MTCL1: variants seen among roughly 807,000 people sequenced by gnomAD.
The protein encoded by MTCL1 is microtubule cross-linking factor 1.
Under a neutral mutation model 141.4 loss-of-function variants are expected in MTCL1, and 79 were observed. That is an observed-to-expected ratio of 0.56 (90% CI 0.47 to 0.67). The LOEUF is 0.67. Ranked by LOEUF, MTCL1 falls within the 30% of genes least tolerant of loss-of-function variation. The pLI is 0.00. For synonymous variants in MTCL1, 914 were observed against 875.8 expected, an observed-to-expected ratio of 1.04 and a Z score of -0.77; for missense variants, 2,177 against 2,113.9, an observed-to-expected ratio of 1.03 and a Z score of -0.59.
intron 1 of MTCL1, among the ~76,000 whole-genome samples, chr18:8,710,457 CTTTT>C (rs59830434): frequency 2.5e-5 from 3 of 121,818 alleles, no homozygotes; most frequent in African/African-American, 6.5e-5. Context: ...CAGGCACTTT[CTTTT>C]TTTTTTTTTT....
rs1252164186 is a variant in MTCL1 at position 8,786,114 on chromosome 18, C to G, written c.1887+23C>G. On this transcript the variant is annotated intron_variant, in intron 7 of 16. Coordinates refer to ENST00000359865, the Ensembl canonical transcript of MTCL1. Reference sequence around the variant, plus strand: ...GAGGTCAGCGTGGGCAAGCAATCCCCCCCCCCCGCCCTCCCCCTCCTTTTT... The same window carrying G: ...GAGGTCAGCGTGGGCAAGCAATCCCGCCCCCCCGCCCTCCCCCTCCTTTTT... 7 of 1,387,384 alleles carry G rather than the reference C, an allele frequency of 5.0e-6. No individual in the cohort carries two copies. The South Asian group carries it at 5.1e-5, about 10-fold the overall frequency. The allele number at this position is 1,387,384 out of a possible 1,614,324, so 85.9% of individuals were successfully genotyped here.
intron 1 of MTCL1, among the ~76,000 whole-genome samples, chr18:8,709,216 A>G (rs935202813): frequency 2.0e-5 from 3 of 151,026 alleles, no homozygotes; most frequent in Non-Finnish European, 3.0e-5. Context: ...TTTTGAAGGG[A>G]TGGTCTTGCT....
intron 4 of MTCL1, among the ~76,000 whole-genome samples, chr18:8,775,286 T>C (rs2096502063): frequency 6.6e-6 from 1 of 151,672 alleles, no homozygotes; most frequent in African/African-American, 2.4e-5. Context: ...AAAAGAAACT[T>C]CTGGCCGGGC....
intron 12 of MTCL1, among the ~76,000 whole-genome samples, chr18:8,817,407 T>A (rs923057601): frequency 6.6e-6 from 1 of 152,130 alleles, no homozygotes; most frequent in African/African-American, 2.4e-5. Flanking sequence ...AATTTGACTG[T>A]GAACTGCCTC....
chr18:8,828,801 T>G lies in MTCL1; in HGVS notation c.4723-107T>G. ...GGCTACCCCTGAGCGAGAGGGATGG[T>G]CCTCTACCTCCGGGCTTGCTGACTT... On this transcript the variant is annotated intron_variant, in intron 15 of 16. Coordinates refer to ENST00000359865, the Ensembl canonical transcript of MTCL1. This position sits in a 1 kb window ranked among gnomAD's most constrained non-coding sequence, Gnocchi z 5.2. 1 of 1,561,932 alleles carries G rather than the reference T, an allele frequency of 6.4e-7. No individual in the cohort carries two copies. The highest frequency in any genetic ancestry group is 8.7e-7 in the Non-Finnish European group (1 of 1,153,838).
intron 10 of MTCL1, among the ~76,000 whole-genome samples, chr18:8,801,352 G>A (rs1024849547): frequency 6.6e-6 from 1 of 150,904 alleles, no homozygotes; most frequent in South Asian, 2.1e-4. Flanking sequence ...CTTGAGCCTA[G>A]ATGGTATTTA....
rs1002530066 is a variant in MTCL1 at position 8,779,043 on chromosome 18, G to T, written c.417+1151G>T. Among the ~76,000 whole-genome samples, 3 of 152,226 alleles carry T rather than the reference G, an allele frequency of 2.0e-5. No homozygotes were observed. The highest frequency in any genetic ancestry group is 7.2e-5 in the African/African-American group (3 of 41,460). ...GGAGTTTCTGTTCAGCAGAATGGTGGAATGGAGCGCCCTGGGAACTGCAGG... is the reference window on the plus strand; with the variant it reads ...GGAGTTTCTGTTCAGCAGAATGGTGTAATGGAGCGCCCTGGGAACTGCAGG... On this transcript the variant is annotated intron_variant, in intron 5 of 16. Transcript: ENST00000359865. The surrounding 1 kb of genome is among the most constrained non-coding windows in gnomAD (Gnocchi z 4.1).
intron 4 of MTCL1, among the ~76,000 whole-genome samples, chr18:8,758,766 G>A (rs1341044279): frequency 1.3e-5 from 2 of 152,166 alleles, no homozygotes; most frequent in Non-Finnish European, 2.9e-5. Context: ...TCAGGAGTTT[G>A]CGATCAGACA....
rs114113780 is a variant in MTCL1, at chr18:8,784,736, C to A, written c.1624C>A (p.Pro542Thr). 6.1e-5 allele frequency: 98 copies of A among 1,614,076 alleles called. No individual in the cohort carries two copies. The highest frequency in any genetic ancestry group is 7.5e-5 in the Non-Finnish European group (89 of 1,180,032). The change falls in exon 6 of 17, where the codon CCC becomes ACC. Residue 542 changes from proline to threonine, a missense_variant. Physicochemically the swap from Pro to Thr is conservative, Grantham distance 38. Transcript: ENST00000359865. Reference sequence around the variant, plus strand: ...GAACCGCATTGGGGATGGCCTATCCCCCTTGCCCCACCTCACAGAGTCCTC... The same window carrying A: ...GAACCGCATTGGGGATGGCCTATCCACCTTGCCCCACCTCACAGAGTCCTC...
rs556159401 is a variant in MTCL1 at position 8,830,040 on chromosome 18, A to C, written c.*18+1076A>C. On this transcript the variant is annotated intron_variant, in intron 16 of 16. Coordinates refer to ENST00000359865, the Ensembl canonical transcript of MTCL1. The surrounding 1 kb of genome is among the most constrained non-coding windows in gnomAD (Gnocchi z 6.4). ...GACAGCAGCTTCACCAACACACAAC[A>C]CACACAGAACAGATACACAATACAC... 6 of 985,462 alleles carry C rather than the reference A, an allele frequency of 6.1e-6. No individual in the cohort carries two copies. The Admixed American group carries it at 3.1e-4, about 50-fold the overall frequency. The allele number at this position is 985,462 out of a possible 1,614,324, so 61.0% of individuals were successfully genotyped here.
intron 4 of MTCL1, among the ~76,000 whole-genome samples, chr18:8,761,886 A>G (rs975414161): frequency 2.0e-5 from 3 of 152,166 alleles, no homozygotes; most frequent in Non-Finnish European, 4.4e-5. Flanking sequence ...TTAAGATGAG[A>G]TTTGGGTGGG....
chr18:8,723,410 A>G (rs1184533596), intron 4 of MTCL1, among the ~76,000 whole-genome samples: 1 of 152,070 alleles, frequency 6.6e-6, no homozygotes, highest in East Asian at 1.9e-4. Flanking sequence ...TCACCTCTGG[A>G]GTTTTGTAAA....
At chr18:8,775,171 C>T (rs761827911) in intron 4 of MTCL1, among the ~76,000 whole-genome samples, 1 of 152,168 alleles carries the variant, frequency 6.6e-6, no homozygotes, top group Admixed American at 6.5e-5. Flanking sequence ...GCCCTCACTG[C>T]GGGCCCTGAT....
chr18:8,828,446 A>C lies in MTCL1; in HGVS notation c.4723-462A>C, dbSNP rs567673008. On this transcript the variant is annotated intron_variant, in intron 15 of 16. Transcript: ENST00000359865. The surrounding 1 kb of genome is among the most constrained non-coding windows in gnomAD (Gnocchi z 5.2). ...TGCTCTTCCTCCCTCCCCTAAGTGG[A>C]AAATGTGAGGGGAACTTTTTAGAGT... Among the ~76,000 whole-genome samples, 5 of 152,342 alleles carry C rather than the reference A, an allele frequency of 3.3e-5. No individual in the cohort carries two copies. The East Asian group carries it at 5.8e-4, about 18-fold the overall frequency.
intron 4 of MTCL1, among the ~76,000 whole-genome samples, chr18:8,767,630 C>T (rs77125290): frequency 1.8e-3 from 275 of 152,170 alleles, no homozygotes; most frequent in African/African-American, 6.4e-3. Flanking sequence ...CTTGAGTACC[C>T]GGGGTCCATC....
intron 8 of MTCL1, among the ~76,000 whole-genome samples, chr18:8,793,927 C>T (rs1013491346): frequency 2.0e-5 from 3 of 152,214 alleles, no homozygotes; most frequent in African/African-American, 4.8e-5. Flanking sequence ...ACATAAGCCC[C>T]CATGTTGACT....
chr18:8,815,769 C>G (rs948368482), intron 12 of MTCL1, among the ~76,000 whole-genome samples: 5 of 151,790 alleles, frequency 3.3e-5, no homozygotes, highest in Non-Finnish European at 7.4e-5. Context: ...AGTATTGAAA[C>G]AGTTCGGCCA....
At chr18:8,728,247 T>A (rs1188891537) in intron 4 of MTCL1, among the ~76,000 whole-genome samples, 1 of 152,216 alleles carries the variant, frequency 6.6e-6, no homozygotes, top group Non-Finnish European at 1.5e-5. Context: ...TTCTTGAGTG[T>A]TACTTCTCTG....
intron 4 of MTCL1, among the ~76,000 whole-genome samples, chr18:8,764,924 A>G (rs2096452524): frequency 2.0e-5 from 3 of 152,260 alleles, no homozygotes; most frequent in Admixed American, 2.0e-4. Flanking sequence ...AGAGGCACTG[A>G]CAGGTGCAAT....
Sources: gnomAD v4.1 joint callset for allele counts (sites outside exome capture counted in the v4.1 genomes callset) on GRCh38, gnomAD v4.1.1 for gene constraint, Gnocchi (gnomAD v3.1) non-coding constraint, MANE v1.5 for transcripts, NCBI Gene and HGNC (gene_info 2026-07-23, HGNC 2026-07-21) for gene names.